Variants in EFNA5 observed in about 807,000 individuals in gnomAD.
EFNA5 encodes the protein ephrin A5, also known as ephrin-A5.
Under a neutral mutation model 22.9 loss-of-function variants are expected in EFNA5, and 5 were observed. That is an observed-to-expected ratio of 0.22 (90% CI 0.11 to 0.46). The LOEUF is 0.46. Ranked by LOEUF, EFNA5 falls within the 20% of genes least tolerant of loss-of-function variation. EFNA5 has a pLI of 0.99. For synonymous variants in EFNA5, 113 were observed against 112.2 expected (o/e 1.01, Z -0.04); for missense variants, 237 against 293.3 (o/e 0.81, Z 1.40).
intron 1 of EFNA5, among the ~76,000 whole-genome samples, chr5:107,634,386 A>G (rs976101873): frequency 2.0e-5 from 3 of 152,156 alleles, no homozygotes; most frequent in African/African-American, 7.2e-5. Flanking sequence ...GCATGGTGGT[A>G]TGCATCTGTG....
rs1187218271 is a variant in EFNA5 at position 107,388,688 on chromosome 5, G to A, written c.419-917C>T. 3 of 152,110 alleles carry A rather than the reference G, an allele frequency of 2.0e-5. No individual in the cohort carries two copies. In the East Asian group the frequency reaches 5.8e-4, roughly 29 times the overall value. The allele number at this position is 152,110 out of a possible 1,614,324, so 9.4% of individuals were successfully genotyped here. A position where few individuals can be genotyped will look rare whatever the true frequency, so the allele number is the denominator to read the frequency against. On this transcript the variant is annotated intron_variant, in intron 2 of 4. Coordinates refer to ENST00000333274, the MANE Select transcript of EFNA5 (RefSeq NM_001962.3). ...GTATTTACTAATGCATCCTAGAAAT[G>A]ACAAAAATTACAGAAACGAGCGTCG...
chr5:107,580,788 A>C (rs1221253524), intron 1 of EFNA5, among the ~76,000 whole-genome samples: 4 of 152,120 alleles, frequency 2.6e-5, no homozygotes, highest in Non-Finnish European at 4.4e-5. Flanking sequence ...ACACCACAGA[A>C]AAATAAGCAT....
chr5:107,563,129 A>G (rs1159914488), intron 1 of EFNA5, among the ~76,000 whole-genome samples: 5 of 151,946 alleles, frequency 3.3e-5, no homozygotes, highest in African/African-American at 1.2e-4. Flanking sequence ...TCATTAAATA[A>G]CTCCTTTGCA....
At chr5:107,396,553 A>C (rs1022052603) in intron 2 of EFNA5, among the ~76,000 whole-genome samples, 1 of 152,204 alleles carries the variant, frequency 6.6e-6, no homozygotes, top group Non-Finnish European at 1.5e-5. Flanking sequence ...TTCTGAGTGC[A>C]AATATGGAGG....
chr5:107,427,287 T>C lies in EFNA5; in HGVS notation c.348A>G (p.Glu116=). The C allele has an allele frequency of 6.2e-7, 1 of 1,614,144 alleles. No homozygotes were observed. The highest frequency in any genetic ancestry group is 8.5e-7 in the Non-Finnish European group (1 of 1,180,016). ...HSPNGPLKFS[E]KFQLFTPFSL... The stretch of plus-strand genomic sequence containing the variant: ...AAAAGGGAGTGAAGAGCTGGAATTT[T>C]TCAGAGAACTTCAGCGGTCCATTTG... The change falls in exon 2 of 5, where the codon GAA becomes GAG. Residue 116 remains glutamate (E), a synonymous_variant. Transcript: ENST00000333274.
intron 2 of EFNA5, among the ~76,000 whole-genome samples, chr5:107,395,806 T>TAGAA (rs1286007140): frequency 6.6e-6 from 1 of 152,208 alleles, no homozygotes; most frequent in Non-Finnish European, 1.5e-5. Context: ...ATTATTCACT[T>TAGAA]AGAAAACCTC....
chr5:107,530,186 G>C (rs1195072371), intron 1 of EFNA5, among the ~76,000 whole-genome samples: 1 of 152,210 alleles, frequency 6.6e-6, no homozygotes, highest in African/African-American at 2.4e-5. Context: ...CTGTAAGTCA[G>C]CAAGGGGCTC....
chr5:107,614,245 G>A (rs1749872228), intron 1 of EFNA5, among the ~76,000 whole-genome samples: 1 of 152,066 alleles, frequency 6.6e-6, no homozygotes, highest in Non-Finnish European at 1.5e-5. Flanking sequence ...TCTTCCAGAA[G>A]GAAGCTTTGT....
intron 2 of EFNA5, among the ~76,000 whole-genome samples, chr5:107,411,010 T>A (rs1303337764): frequency 1.3e-5 from 2 of 152,232 alleles, no homozygotes; most frequent in Non-Finnish European, 2.9e-5. Context: ...TAATTAAATT[T>A]GAGATAAATC....
chr5:107,485,154 CT>C (rs1450897464), intron 1 of EFNA5, among the ~76,000 whole-genome samples: 1 of 152,138 alleles, frequency 6.6e-6, no homozygotes, highest in East Asian at 1.9e-4. Context: ...TTTCCTTGCA[CT>C]TCTATTCAAA....
At chr5:107,611,883 A>T (rs1749824567) in intron 1 of EFNA5, among the ~76,000 whole-genome samples, 1 of 152,212 alleles carries the variant, frequency 6.6e-6, no homozygotes, top group Admixed American at 6.5e-5. Context: ...GAAGGAAAAA[A>T]CGAATATGTA....
chr5:107,596,742 T>G (rs1034463791), intron 1 of EFNA5, among the ~76,000 whole-genome samples: 3 of 152,150 alleles, frequency 2.0e-5, no homozygotes, highest in Non-Finnish European at 2.9e-5. Context: ...TTAGCAGGTT[T>G]TGACAACACT....
intron 1 of EFNA5, among the ~76,000 whole-genome samples, chr5:107,628,886 C>T (rs1031692051): frequency 6.6e-5 from 10 of 151,970 alleles, no homozygotes; most frequent in Admixed American, 2.0e-4. Context: ...TATAAGGAGA[C>T]GAAGAAGAAA....
At chr5:107,456,268 T>A (rs1356143814) in intron 1 of EFNA5, among the ~76,000 whole-genome samples, 3 of 152,132 alleles carry the variant, frequency 2.0e-5, no homozygotes, top group Non-Finnish European at 4.4e-5. Flanking sequence ...CCCAGAGCTC[T>A]AGGCCATTTC....
intron 1 of EFNA5, among the ~76,000 whole-genome samples, chr5:107,450,958 G>A (rs1240856785): frequency 6.6e-6 from 1 of 152,232 alleles, no homozygotes; most frequent in Non-Finnish European, 1.5e-5. Context: ...CGTGGTCTTG[G>A]CATTTGATCC....
chr5:107,549,012 G>C (rs1159442752), intron 1 of EFNA5, among the ~76,000 whole-genome samples: 1 of 152,118 alleles, frequency 6.6e-6, no homozygotes, highest in Non-Finnish European at 1.5e-5. Flanking sequence ...TTGTGTAATT[G>C]ATTTACCCAA....
intron 1 of EFNA5, among the ~76,000 whole-genome samples, chr5:107,480,289 C>T (rs1015991094): frequency 1.3e-5 from 2 of 152,220 alleles, no homozygotes; most frequent in Admixed American, 6.5e-5. Flanking sequence ...CTTTTATCCA[C>T]TCAATAGTCA....
chr5:107,381,143 G>T lies in EFNA5; in HGVS notation c.*112C>A. On this transcript the variant is annotated 3_prime_UTR_variant, in exon 5 of 5. Transcript: ENST00000333274. ...GCTGAAAGAAAGAAAACAAAAATCT[G>T]ACATCTGCCAAAACCCAATAACAAG... The T allele has an allele frequency of 7.1e-7, 1 of 1,403,698 alleles. No homozygotes were observed. Among genetic ancestry groups the T allele is most frequent in the East Asian group, 2.4e-5 (1 of 41,558 alleles). The allele number at this position is 1,403,698 out of a possible 1,614,324, so 87.0% of individuals were successfully genotyped here. A position where few individuals can be genotyped will look rare whatever the true frequency, so the allele number is the denominator to read the frequency against.
At chr5:107,579,252 T>A (rs908030676) in intron 1 of EFNA5, among the ~76,000 whole-genome samples, 3 of 152,186 alleles carry the variant, frequency 2.0e-5, no homozygotes, top group Non-Finnish European at 4.4e-5. Flanking sequence ...TGGATTAGAA[T>A]TCCGGCTCAT....
Sources: allele counts gnomAD v4.1 joint callset (sites outside exome capture counted in the v4.1 genomes callset), GRCh38; gene constraint gnomAD v4.1.1; transcripts MANE v1.5; gene names NCBI Gene and HGNC (gene_info 2026-07-23, HGNC 2026-07-21).